LPAR3: variants seen among roughly 807,000 people sequenced by gnomAD.
LPAR3 encodes the protein LPA receptor 3.
Under a neutral mutation model 17.8 loss-of-function variants are expected in LPAR3, and 7 were observed. The observed-to-expected ratio is 0.39, with a 90% CI of 0.22 to 0.74. The LOEUF (loss-of-function observed/expected upper bound fraction) is 0.74. LPAR3 is among the 30% of genes least tolerant of loss of function. The pLI, the probability that LPAR3 is intolerant of heterozygous loss-of-function variation, is 0.40. For synonymous variants in LPAR3, 179 were observed against 179.9 expected, an observed-to-expected ratio of 0.99 and a Z score of 0.04; for missense variants, 391 against 453.4, an observed-to-expected ratio of 0.86 and a Z score of 1.25.
chr1:84,869,858 A>C (rs540701270), intron 1 of LPAR3, among the ~76,000 whole-genome samples: 1 of 152,368 alleles, frequency 6.6e-6, no homozygotes, highest in South Asian at 2.1e-4. Flanking sequence ...AGCACACTTC[A>C]GGGTTTTTCA....
chr1:84,869,804 A>G (rs924684783), intron 1 of LPAR3, among the ~76,000 whole-genome samples: 3 of 152,228 alleles, frequency 2.0e-5, no homozygotes, highest in African/African-American at 7.2e-5. Flanking sequence ...TTCAAAGGAA[A>G]AGCCTCAAAG....
At chr1:84,852,077 A>T (rs1456278279) in intron 2 of LPAR3, among the ~76,000 whole-genome samples, 1 of 135,464 alleles carries the variant, frequency 7.4e-6, no homozygotes, top group Non-Finnish European at 1.6e-5. Context: ...TTTGAGTTGG[A>T]GTCTCGCTCT....
intron 1 of LPAR3, among the ~76,000 whole-genome samples, chr1:84,866,934 A>G (rs1007459787): frequency 6.6e-6 from 1 of 152,140 alleles, no homozygotes; most frequent in Non-Finnish European, 1.5e-5. Context: ...AGCATTCCTC[A>G]ACACGGCAGG....
intron 1 of LPAR3, among the ~76,000 whole-genome samples, chr1:84,889,967 G>A (rs1023189071): frequency 6.6e-6 from 1 of 152,136 alleles, no homozygotes; most frequent in Non-Finnish European, 1.5e-5. Context: ...TCTATTCAGG[G>A]TCACAAGAAC....
intron 1 of LPAR3, among the ~76,000 whole-genome samples, chr1:84,880,796 C>T (rs1004706546): frequency 6.6e-6 from 1 of 152,186 alleles, no homozygotes; most frequent in African/African-American, 2.4e-5. Context: ...GGAGTACACA[C>T]TTTCCACACC....
At chr1:84,856,722 T>G (rs1659837321) in intron 2 of LPAR3, among the ~76,000 whole-genome samples, 1 of 152,154 alleles carries the variant, frequency 6.6e-6, no homozygotes, top group African/African-American at 2.4e-5. Flanking sequence ...CTCGAAGGAT[T>G]TGTTAGCAAG....
chr1:84,876,129 T>C lies in LPAR3; in HGVS notation c.-18-9991A>G, dbSNP rs116608436. ...AGCCAGAGGGGCTCCTCGAGAATGC[T>C]ATGCCTTGGTTAGGAAGCAGCATCC... On this transcript the variant is annotated intron_variant, in intron 1 of 2. Coordinates refer to ENST00000370611, the MANE Select transcript of LPAR3 (RefSeq NM_012152.3). 3.9e-3 allele frequency among the ~76,000 whole-genome samples: 587 copies of C among 152,340 alleles called. 3 individuals are homozygous for C. The highest frequency in any genetic ancestry group is 0.013 in the African/African-American group (539 of 41,582).
In LPAR3 at chr1:84,834,113, T is replaced by C. The variant is rs1452401877; in HGVS notation, c.737-19942A>G. On this transcript the variant is annotated intron_variant, in intron 2 of 2. Transcript: ENST00000370611. ...ACTGAGCCATGCAGTGTGTCTCTAT[T>C]AAAGCCTAGCCATGCTGCAAATATT... Among the ~76,000 whole-genome samples, 3 of 152,200 alleles carry C rather than the reference T, an allele frequency of 2.0e-5. No homozygotes were observed. The East Asian group carries it at 5.8e-4, about 29-fold the overall frequency.
At chr1:84,845,431 C>T (rs921895459) in intron 2 of LPAR3, among the ~76,000 whole-genome samples, 1 of 152,188 alleles carries the variant, frequency 6.6e-6, no homozygotes, top group Non-Finnish European at 1.5e-5. Context: ...CTTTATCCCA[C>T]ACTTTATTCC....
intron 2 of LPAR3, among the ~76,000 whole-genome samples, chr1:84,829,132 T>G (rs1402033165): frequency 6.7e-6 from 1 of 149,524 alleles, no homozygotes; most frequent in African/African-American, 2.5e-5. Flanking sequence ...CTGCTTGATT[T>G]CCTTGTATCC....
chr1:84,831,492 A>G (rs1033515539), intron 2 of LPAR3, among the ~76,000 whole-genome samples: 3 of 151,918 alleles, frequency 2.0e-5, no homozygotes, highest in African/African-American at 7.3e-5. Context: ...ATCTTAAAAC[A>G]TATAACTACC....
At chr1:84,858,068 T>C (rs1286270360) in intron 2 of LPAR3, among the ~76,000 whole-genome samples, 1 of 152,174 alleles carries the variant, frequency 6.6e-6, no homozygotes, top group Non-Finnish European at 1.5e-5. Flanking sequence ...CCTAAAAGCC[T>C]GGAACACGCT....
At chr1:84,873,465 T>C (rs995492229) in intron 1 of LPAR3, among the ~76,000 whole-genome samples, 2 of 152,368 alleles carry the variant, frequency 1.3e-5, no homozygotes, top group East Asian at 3.9e-4. Flanking sequence ...CTGTCTTTCA[T>C]AAGCAGTTAC....
chr1:84,849,130 A>T (rs1659651324), intron 2 of LPAR3, among the ~76,000 whole-genome samples: 1 of 152,086 alleles, frequency 6.6e-6, no homozygotes, highest in Admixed American at 6.5e-5. Flanking sequence ...TAATCCTAGC[A>T]CTTTGGGAGG....
At chr1:84,875,104 T>C (rs1302446871) in intron 1 of LPAR3, among the ~76,000 whole-genome samples, 1 of 152,156 alleles carries the variant, frequency 6.6e-6, no homozygotes, top group African/African-American at 2.4e-5. Flanking sequence ...TTCACCATGT[T>C]GGCCAGGCTG....
chr1:84,852,431 G>C (rs1484555072), intron 2 of LPAR3, among the ~76,000 whole-genome samples: 1 of 152,156 alleles, frequency 6.6e-6, no homozygotes, highest in African/African-American at 2.4e-5. Flanking sequence ...GGTGGTGAGA[G>C]AGATGGTACT....
chr1:84,874,097 T>A (rs1324336888), intron 1 of LPAR3, among the ~76,000 whole-genome samples: 1 of 152,208 alleles, frequency 6.6e-6, no homozygotes, highest in Admixed American at 6.5e-5. Context: ...ATTGCTCTGA[T>A]CTGGATCCTG....
chr1:84,884,402 G>A (rs1031171682), intron 1 of LPAR3, among the ~76,000 whole-genome samples: 2 of 152,204 alleles, frequency 1.3e-5, no homozygotes, highest in Non-Finnish European at 2.9e-5. Context: ...TGGCACCGGG[G>A]AACAAGCATT....
chr1:84,890,893 A>G (rs552903179), intron 1 of LPAR3, among the ~76,000 whole-genome samples: 5 of 152,296 alleles, frequency 3.3e-5, no homozygotes, highest in African/African-American at 9.6e-5. Context: ...GCATGTGTGT[A>G]TAAGTGATGT....
Sources: allele counts gnomAD v4.1 joint callset (sites outside exome capture counted in the v4.1 genomes callset), GRCh38; gene constraint gnomAD v4.1.1; transcripts MANE v1.5; gene names NCBI Gene and HGNC (gene_info 2026-07-23, HGNC 2026-07-21).